The following ITGA9 variants were observed in gnomAD, a reference collection of about 807,000 sequenced individuals.
ITGA9 encodes the protein integrin subunit alpha 9.
In ITGA9, 56 loss-of-function variants were observed where a neutral mutation model predicts 127.8. The ratio of observed to expected loss-of-function variants is 0.44; its 90% confidence interval spans 0.35 to 0.55. ITGA9 has a LOEUF of 0.55. Among genes scored for constraint, ITGA9 ranks in the 20% least tolerant of loss-of-function variants. The pLI, the probability that ITGA9 is intolerant of heterozygous loss-of-function variation, is 0.00. For missense variants in ITGA9, 1,196 were observed against 1,347.1 expected (o/e 0.89, Z 1.76); for synonymous variants, 508 against 514.5 (o/e 0.99, Z 0.17).
At chr3:37,741,585 C>T (rs958311260) in intron 20 of ITGA9, 145 bp from the exon 21 acceptor site, 2 of 708,416 alleles carry the variant, frequency 2.8e-6, no homozygotes, top group Non-Finnish European at 5.2e-6. Context: ...TAGATATGTA[C>T]AGGGACCAAA....
At chr3:37,571,098 A>G (rs1699597229) in intron 15 of ITGA9, among the ~76,000 whole-genome samples, 1 of 152,230 alleles carries the variant, frequency 6.6e-6, no homozygotes, top group African/African-American at 2.4e-5. Flanking sequence ...TATGGGAGGC[A>G]TCTCAGCAGA....
At chr3:37,587,825 C>T (rs73824841) in intron 15 of ITGA9, among the ~76,000 whole-genome samples, 5 of 152,306 alleles carry the variant, frequency 3.3e-5, no homozygotes, top group Middle Eastern at 3.4e-3. Context: ...GCAGTCAAGG[C>T]GGAGCAGGCC....
intron 26 of ITGA9, among the ~76,000 whole-genome samples, chr3:37,801,576 C>A (rs1343514411): frequency 1.3e-5 from 2 of 152,170 alleles, no homozygotes; most frequent in Admixed American, 1.3e-4. Flanking sequence ...GCAGAGGTTG[C>A]AGTGAGCTGA....
chr3:37,708,765 T>C (rs1197525969), intron 18 of ITGA9, among the ~76,000 whole-genome samples: 3 of 3,162 alleles, frequency 9.5e-4, no homozygotes, highest in African/African-American at 5.8e-3. Context: ...ATGAGGGTCT[T>C]ACAGGTCTTC....
intron 12 of ITGA9, 123 bp downstream of exon 12, chr3:37,523,734 A>C: frequency 1.3e-6 from 1 of 774,766 alleles, no homozygotes; most frequent in African/African-American, 1.7e-5. Flanking sequence ...ACACAATAGA[A>C]TAGGGTGTTT....
At position 37,769,219 on chromosome 3, in the gene ITGA9, T is replaced by C. The variant is rs187996799; in HGVS notation, c.2542-8173T>C. ...CAGGCATGGTGGCACACACCCATCA[T>C]CCCAGCTACTCGGGAGGCTGAGGCA... On this transcript the variant is annotated intron_variant, in intron 23 of 27. Transcript: ENST00000264741. 2.3e-3 allele frequency among the ~76,000 whole-genome samples: 346 copies of C among 151,468 alleles called. 1 individual carries two copies. Among genetic ancestry groups the C allele is most frequent in the African/African-American group, 8.0e-3 (330 of 41,180 alleles).
At chr3:37,585,099 A>T (rs956868130) in intron 15 of ITGA9, among the ~76,000 whole-genome samples, 1 of 151,326 alleles carries the variant, frequency 6.6e-6, no homozygotes, top group African/African-American at 2.4e-5. Flanking sequence ...TCCAGTGACC[A>T]CTCCCCACCT....
intron 15 of ITGA9, among the ~76,000 whole-genome samples, chr3:37,596,872 C>T (rs1473151919): frequency 6.6e-6 from 1 of 152,170 alleles, no homozygotes; most frequent in Non-Finnish European, 1.5e-5. Context: ...GCCACAAAGC[C>T]ACAGAAGTCT....
chr3:37,650,066 T>A (rs1171868273), intron 16 of ITGA9, among the ~76,000 whole-genome samples: 1 of 152,224 alleles, frequency 6.6e-6, no homozygotes, highest in African/African-American at 2.4e-5. Flanking sequence ...GTGACTCACG[T>A]AGCCTGCAAG....
At chr3:37,578,421 G>T (rs111436255) in intron 15 of ITGA9, among the ~76,000 whole-genome samples, 3,192 of 152,262 alleles carry the variant, frequency 0.021, 51 homozygotes, top group East Asian at 0.07. Context: ...GGTGGGAAAC[G>T]TAAAGGCCAG....
chr3:37,472,334 C>T (rs1261464957), intron 2 of ITGA9, among the ~76,000 whole-genome samples: 2 of 152,184 alleles, frequency 1.3e-5, no homozygotes, highest in Non-Finnish European at 2.9e-5. Context: ...ATAATCATGA[C>T]TGCAAGCATT....
chr3:37,613,757 G>A (rs1238318193), intron 15 of ITGA9, among the ~76,000 whole-genome samples: 1 of 152,318 alleles, frequency 6.6e-6, no homozygotes, highest in African/African-American at 2.4e-5. Flanking sequence ...CTGCATAAAT[G>A]TCTTCTTTTG....
At chr3:37,555,336 A>G (rs760522890) in intron 15 of ITGA9, among the ~76,000 whole-genome samples, 1 of 149,754 alleles carries the variant, frequency 6.7e-6, no homozygotes, top group Non-Finnish European at 1.5e-5. Context: ...TCTGTGATGA[A>G]GGAAATGTTC....
intron 18 of ITGA9, among the ~76,000 whole-genome samples, chr3:37,698,846 G>A (rs1267468453): frequency 6.6e-6 from 1 of 152,118 alleles, no homozygotes; most frequent in Non-Finnish European, 1.5e-5. Flanking sequence ...AGTATTGTCA[G>A]TCATTTTTAT....
At chr3:37,716,731 C>T (rs759429496) in intron 18 of ITGA9, among the ~76,000 whole-genome samples, 8 of 151,360 alleles carry the variant, frequency 5.3e-5, no homozygotes, top group African/African-American at 1.5e-4. Flanking sequence ...ATTGCCATAA[C>T]CAAAAGCAAC....
chr3:37,697,883 A>G (rs995270061), intron 18 of ITGA9, among the ~76,000 whole-genome samples: 1 of 152,208 alleles, frequency 6.6e-6, no homozygotes, highest in Non-Finnish European at 1.5e-5. Context: ...TGGTGTTTCT[A>G]GTTCTAGATC....
At chr3:37,600,606 G>A (rs1699913875) in intron 15 of ITGA9, among the ~76,000 whole-genome samples, 2 of 152,186 alleles carry the variant, frequency 1.3e-5, no homozygotes, top group African/African-American at 4.8e-5. Context: ...ATTGAGATAT[G>A]ACACTGTCAC....
intron 16 of ITGA9, among the ~76,000 whole-genome samples, chr3:37,646,377 A>G (rs1451310073): frequency 1.3e-5 from 2 of 152,202 alleles, no homozygotes; most frequent in Non-Finnish European, 2.9e-5. Context: ...ATTTAGTGAG[A>G]AGCTGGAGAA....
intron 16 of ITGA9, among the ~76,000 whole-genome samples, chr3:37,638,640 G>C (rs1472492802): frequency 6.6e-6 from 1 of 152,030 alleles, no homozygotes; most frequent in African/African-American, 2.4e-5. Context: ...AACTCTCTAG[G>C]TCATGTTGCC....
Sources: gnomAD v4.1 joint callset for allele counts (sites outside exome capture counted in the v4.1 genomes callset) on GRCh38, gnomAD v4.1.1 for gene constraint, MANE v1.5 for transcripts, NCBI Gene and HGNC (gene_info 2026-07-23, HGNC 2026-07-21) for gene names.